MPI: variants seen among roughly 807,000 people sequenced by gnomAD.
MPI encodes the protein mannose phosphate isomerase.
In MPI, 33 loss-of-function variants were observed where a neutral mutation model predicts 40.1. The ratio of observed to expected loss-of-function variants is 0.82; its 90% CI spans 0.62 to 1.10. The LOEUF (loss-of-function observed/expected upper bound fraction) is 1.10. Ranked by LOEUF, MPI falls within the 50% of genes least tolerant of loss-of-function variation. The pLI, the probability that MPI is intolerant of heterozygous loss-of-function variation, is 0.00. For synonymous variants in MPI, 187 were observed against 207.4 expected (o/e 0.90, Z 0.85); for missense variants, 514 against 524.1 (o/e 0.98, Z 0.19).
intron 6 of MPI, 46 bp from the exon 7 acceptor site, chr15:74,896,965 C>T: frequency 1.9e-6 from 3 of 1,589,996 alleles, no homozygotes; most frequent in African/African-American, 1.3e-5. Flanking sequence ...AACTGGAGAG[C>T]TAAGGCATAC....
intron 1 of MPI, 106 bp from the exon 2 acceptor site, chr15:74,890,417 CTTAT>C (rs1403967419): frequency 6.8e-7 from 1 of 1,461,148 alleles, no homozygotes; most frequent in Non-Finnish European, 9.5e-7. Flanking sequence ...CTACAAAACC[CTTAT>C]TTGACTCTGT....
rs2064832233 is a variant in MPI at position 74,897,206 on chromosome 15, T to C, written c.1040T>C (p.Ile347Thr). The C allele has an allele frequency of 1.9e-6, 3 of 1,614,028 alleles. No individual in the cohort carries two copies. Among genetic ancestry groups the C allele is most frequent in the African/African-American group, 1.3e-5 (1 of 74,924 alleles). ...GACCCCCCTGTACCAGACTTCACCA[T>C]TATGAAGACGGAGGTGAGTGAGGGG... is the stretch of plus-strand genomic sequence containing the variant. Reference protein sequence around the residue: ...IYDPPVPDFTIMKTEVPGSVT... With the variant: ...IYDPPVPDFTTMKTEVPGSVT... The change falls in exon 7 of 8, where the codon ATT (isoleucine) becomes ACT (threonine). Residue 347 changes from isoleucine to threonine, a missense_variant. Physicochemically the swap from Ile to Thr is moderately conservative, Grantham distance 89. Coordinates refer to ENST00000352410, the MANE Select transcript of MPI (RefSeq NM_002435.3).
chr15:74,897,951 TC>T lies in MPI; in HGVS notation c.*224del. On this transcript the variant is annotated 3_prime_UTR_variant, in exon 8 of 8. Coordinates refer to ENST00000352410, the MANE Select transcript of MPI (RefSeq NM_002435.3). The stretch of plus-strand genomic sequence containing the variant: ...GAGGCCCGTGTGAGGGGTCTGATAC[TC>T]CCTTTGTCTTCCCTCTCTACTCCTC... 1.6e-6 allele frequency: 1 copy of T among 613,582 alleles called. No homozygotes were observed. The highest frequency in any genetic ancestry group is 3.0e-6 in the Non-Finnish European group (1 of 335,942). 38.0% of individuals were successfully genotyped at this position (613,582 alleles called of 1,614,324 possible).
At chr15:74,896,426 G>T in intron 6 of MPI, 101 bp downstream of exon 6, 1 of 1,373,254 alleles carries the variant, frequency 7.3e-7, no homozygotes. Flanking sequence ...AGACCCCCAA[G>T]GACCTTGCAG....
intron 6 of MPI, 136 bp downstream of exon 6, chr15:74,896,461 C>T (rs2031181099): frequency 1.0e-6 from 1 of 966,468 alleles, no homozygotes; most frequent in Non-Finnish European, 1.6e-6. Flanking sequence ...GGTTCCTGGG[C>T]TCAGCAAGCA....
rs1357023997 is a variant in MPI, at chr15:74,890,684, T to A, written c.144+30T>A. On this transcript the variant is annotated intron_variant, in intron 2 of 7. Transcript: ENST00000352410. ...GCCCCGGGCTGTATTTCAGCCCACT[T>A]TACCCGCAGGTCAGGAGAAAGGGCC... The A allele has an allele frequency of 1.9e-6, 3 of 1,611,542 alleles. No individual in the cohort carries two copies. The Admixed American group carries it at 5.0e-5, about 27-fold the overall frequency.
rs916219828 is a variant in MPI at position 74,897,974 on chromosome 15, C to T, written c.*244C>T. ...ACTCCCTTTGTCTTCCCTCTCTACT[C>T]CTCGCTACACCTGAGCCAGGCTCTT... On this transcript the variant is annotated 3_prime_UTR_variant, in exon 8 of 8. Transcript: ENST00000352410. 4 of 561,410 alleles carry T rather than the reference C, an allele frequency of 7.1e-6. No individual in the cohort carries two copies. Among genetic ancestry groups the T allele is most frequent in the Admixed American group, 2.7e-5 (1 of 37,362 alleles). The allele number at this position is 561,410 out of a possible 1,614,324, so 34.8% of individuals were successfully genotyped here. A position where few individuals can be genotyped will look rare whatever the true frequency, so the allele number is the denominator to read the frequency against.
intron 5 of MPI, among the ~76,000 whole-genome samples, chr15:74,894,362 G>A (rs1170275147): frequency 1.3e-5 from 2 of 151,688 alleles, no homozygotes; most frequent in Non-Finnish European, 2.9e-5. Flanking sequence ...AGGATTACAG[G>A]TGTGAGCCAC....
At position 74,890,593 on chromosome 15, in the gene MPI, C is replaced by T; in HGVS notation, c.83C>T (p.Ala28Val). The change falls in exon 2 of 8, where the codon GCG becomes GTG. Residue 28 changes from alanine (A) to valine (V), a missense_variant. Ala to Val is a moderately conservative substitution (Grantham distance 64, BLOSUM62 0). Transcript: ENST00000352410. ...AAGATGGGTTCCAACAGCGAAGTGGCGCGGCTGTTGGCCAGCAGTGATCCA... is the reference window on the plus strand; with the variant it reads ...AAGATGGGTTCCAACAGCGAAGTGGTGCGGCTGTTGGCCAGCAGTGATCCA... ...WGKMGSNSEV[A>V]RLLASSDPLA... 1.2e-6 allele frequency: 2 copies of T among 1,614,076 alleles called. No homozygotes were observed. The highest frequency in any genetic ancestry group is 1.7e-6 in the Non-Finnish European group (2 of 1,180,012).
intron 6 of MPI, 109 bp downstream of exon 6, chr15:74,896,434 C>A: frequency 7.9e-7 from 1 of 1,264,096 alleles, no homozygotes; most frequent in Non-Finnish European, 1.1e-6. Flanking sequence ...AAGGACCTTG[C>A]AGCTCTGACC....
Position 74,897,698 on chromosome 15 carries a change from C to T in MPI, c.1240C>T (p.Leu414=). The change falls in exon 8 of 8, where the codon CTG becomes TTG. Residue 414 remains leucine (L), a synonymous_variant. Transcript: ENST00000352410. The stretch of plus-strand genomic sequence containing the variant: ...ACTGAAGCTTACTGAGCCGAAGGAC[C>T]TGCTGATATTCCGTGCCTGCTGTCT... ...VSLKLTEPKD[L]LIFRACCLL 4 of 1,614,142 alleles carry T rather than the reference C, an allele frequency of 2.5e-6. No homozygotes were observed. The highest frequency in any genetic ancestry group is 3.4e-6 in the Non-Finnish European group (4 of 1,180,012).
intron 1 of MPI, 161 bp downstream of exon 1, chr15:74,890,250 G>A: frequency 9.2e-7 from 1 of 1,084,300 alleles, no homozygotes; most frequent in South Asian, 1.3e-5. Context: ...ATTGACCTCC[G>A]AGGGGAGGGG....
Position 74,898,783 on chromosome 15 carries a change from C to T in MPI, c.*1053C>T, listed in dbSNP as rs1025411480. ...CTCGATCTTCTGACCTCGTGATCCG[C>T]CCACCTCAGCCTCCCAAAGTGCTGG... On this transcript the variant is annotated 3_prime_UTR_variant, in exon 8 of 8. Coordinates refer to ENST00000352410, the MANE Select transcript of MPI (RefSeq NM_002435.3). 6.6e-6 allele frequency: 1 copy of T among 152,246 alleles called. No individual in the cohort carries two copies. The highest frequency in any genetic ancestry group is 2.4e-5 in the African/African-American group (1 of 41,422). 9.4% of individuals were successfully genotyped at this position (152,246 alleles called of 1,614,324 possible). A position where few individuals can be genotyped will look rare whatever the true frequency, so the allele number is the denominator to read the frequency against.
At chr15:74,894,105 T>TGAGCCA (rs2064778188) in intron 5 of MPI, among the ~76,000 whole-genome samples, 2 of 56,424 alleles carry the variant, frequency 3.5e-5, no homozygotes, top group East Asian at 4.4e-4. Context: ...TGTGTGTGTG[T>TGAGCCA]GTGGTCTCTT....
At chr15:74,891,155 T>C (rs1305791412) in intron 2 of MPI, 17 of 629,166 alleles carry the variant, frequency 2.7e-5, no homozygotes, top group Non-Finnish European at 3.4e-5. Flanking sequence ...GGGAAATAAC[T>C]AGTCCAAGTC....
chr15:74,895,185 C>T (rs1180624802), intron 5 of MPI, among the ~76,000 whole-genome samples: 1 of 140,094 alleles, frequency 7.1e-6, no homozygotes, highest in Non-Finnish European at 1.5e-5. Flanking sequence ...CCATGTTGGT[C>T]AAACTGGTCT....
Position 74,891,548 on chromosome 15 carries a change from C to T in MPI, c.314C>T (p.Thr105Ile), listed in dbSNP as rs556978187. The T allele has an allele frequency of 5.0e-6, 8 of 1,614,192 alleles. No homozygotes were observed. The East Asian group carries it at 6.7e-5, about 13-fold the overall frequency. ...CTCTTCAAAGTGCTCTCAGTTGAAA[C>T]ACCCCTGTCCATCCAGGCACACCCT... ...PFLFKVLSVE[T>I]PLSIQAHPNK... The change falls in exon 3 of 8, where the codon ACA becomes ATA. Residue 105 changes from threonine to isoleucine, a missense_variant. Coordinates refer to ENST00000352410, the MANE Select transcript of MPI (RefSeq NM_002435.3).
intron 7 of MPI, 72 bp downstream of exon 7, chr15:74,897,291 AC>A (rs964835935): frequency 6.4e-7 from 1 of 1,563,456 alleles, no homozygotes; most frequent in Non-Finnish European, 8.8e-7. Flanking sequence ...GATGTGGAGG[AC>A]ACCTGGGGCT....
chr15:74,897,256 C>T (rs2064833694), intron 7 of MPI, 37 bp downstream of exon 7: 3 of 1,604,370 alleles, frequency 1.9e-6, no homozygotes, highest in South Asian at 1.1e-5. Context: ...CTTCGTGTGC[C>T]ATGAAAATCT....
Sources: gnomAD v4.1 joint callset for allele counts (sites outside exome capture counted in the v4.1 genomes callset) on GRCh38, gnomAD v4.1.1 for gene constraint, MANE v1.5 for transcripts, NCBI Gene and HGNC (gene_info 2026-07-23, HGNC 2026-07-21) for gene names.